CYP4Z1: variants seen among roughly 807,000 people sequenced by gnomAD.
CYP4Z1 encodes cytochrome P450 4Z1.
A neutral mutation model predicts 54.2 loss-of-function variants in CYP4Z1; 41 were observed. The observed-to-expected ratio is 0.76, with a 90% CI of 0.59 to 0.98. CYP4Z1 has a LOEUF of 0.98. Ranked by LOEUF, CYP4Z1 falls within the 50% of genes least tolerant of loss-of-function variation. The pLI, the probability that CYP4Z1 is intolerant of heterozygous loss-of-function variation, is 0.00. For missense variants in CYP4Z1, 513 were observed against 599.0 expected (o/e 0.86, Z 1.50); for synonymous variants, 163 against 206.2 (o/e 0.79, Z 1.79).
At chr1:47,092,107 G>A (rs1206672029) in intron 6 of CYP4Z1, among the ~76,000 whole-genome samples, 1 of 151,900 alleles carries the variant, frequency 6.6e-6, no homozygotes, top group Non-Finnish European at 1.5e-5. Context: ...TCCACCTCTG[G>A]GGGCACTTCC....
intron 8 of CYP4Z1, among the ~76,000 whole-genome samples, chr1:47,104,672 A>C (rs1480473878): frequency 6.6e-6 from 1 of 152,108 alleles, no homozygotes; most frequent in African/African-American, 2.4e-5. Flanking sequence ...CCCCAGGAGA[A>C]GTGCTCAGGT....
At chr1:47,072,857 C>T (rs1200341700) in intron 2 of CYP4Z1, among the ~76,000 whole-genome samples, 4 of 151,046 alleles carry the variant, frequency 2.6e-5, no homozygotes, top group Non-Finnish European at 4.4e-5. Flanking sequence ...CTACAAGATC[C>T]TGACCATATA....
At chr1:47,109,917 C>G (rs752403282) in intron 9 of CYP4Z1, among the ~76,000 whole-genome samples, 9 of 150,994 alleles carry the variant, frequency 6.0e-5, no homozygotes, top group Admixed American at 1.3e-4. Context: ...GTTATGAATT[C>G]TATTTCCTTT....
chr1:47,063,711 A>C (rs1230002285), upstream of CYP4Z1, among the ~76,000 whole-genome samples: 2 of 152,130 alleles, frequency 1.3e-5, no homozygotes, highest in Non-Finnish European at 2.9e-5. Flanking sequence ...TAATTTTTAA[A>C]AATAAACAAA....
At chr1:47,064,090 T>TC (rs1199176524), upstream of CYP4Z1, among the ~76,000 whole-genome samples, 7 of 149,908 alleles carry the variant, frequency 4.7e-5, no homozygotes, top group Non-Finnish European at 8.9e-5. Flanking sequence ...CTTTTTTTTT[T>TC]TTTTTTTTTT....
intron 6 of CYP4Z1, among the ~76,000 whole-genome samples, chr1:47,091,188 CTATTT>C (rs1009727153): frequency 7.1e-6 from 1 of 139,908 alleles, no homozygotes; most frequent in Admixed American, 7.0e-5. Flanking sequence ...GAGAAGTGGC[CTATTT>C]TATTTCTGCA....
intron 9 of CYP4Z1, among the ~76,000 whole-genome samples, chr1:47,108,210 C>T (rs1469748298): frequency 1.3e-5 from 2 of 152,120 alleles, no homozygotes; most frequent in Non-Finnish European, 2.9e-5. Context: ...GCTTTCCTTC[C>T]TGCCCCTCTC....
chr1:47,069,262 T>C (rs867554291), intron 2 of CYP4Z1, among the ~76,000 whole-genome samples: 2 of 152,278 alleles, frequency 1.3e-5, no homozygotes, highest in African/African-American at 4.8e-5. Flanking sequence ...TTCCGTGGAA[T>C]TGCAGAGCTG....
intron 7 of CYP4Z1, 117 bp from the exon 8 acceptor site, chr1:47,098,977 T>C: frequency 7.5e-6 from 9 of 1,199,966 alleles, no homozygotes; most frequent in Non-Finnish European, 9.5e-6. Flanking sequence ...TATGCCAAAT[T>C]AGTTGTATTA....
the CYP4Z1 span, among the ~76,000 whole-genome samples, chr1:47,057,321 T>A: frequency 1.2e-4 from 2 of 16,308 alleles, no homozygotes; most frequent in African/African-American, 4.0e-4. Flanking sequence ...CTTTGTTACT[T>A]CTTAAGAAAA....
At chr1:47,056,425 G>A in the CYP4Z1 span, among the ~76,000 whole-genome samples, 1 of 152,168 alleles carries the variant, frequency 6.6e-6, no homozygotes, top group African/African-American at 2.4e-5. Context: ...TTCTGTAGAT[G>A]TCTATTAGGT....
intron 7 of CYP4Z1, among the ~76,000 whole-genome samples, chr1:47,095,026 A>G (rs1351209980): frequency 6.6e-6 from 1 of 152,160 alleles, no homozygotes; most frequent in Non-Finnish European, 1.5e-5. Flanking sequence ...TACTTATATG[A>G]TAACTGATAC....
At chr1:47,103,816 A>C (rs1169695215) in intron 8 of CYP4Z1, among the ~76,000 whole-genome samples, 26 of 151,902 alleles carry the variant, frequency 1.7e-4, no homozygotes, top group Admixed American at 1.7e-3. Context: ...GGCTGGCCTC[A>C]AACTCTTGAC....
chr1:47,091,321 A>G (rs1402075173), intron 6 of CYP4Z1, among the ~76,000 whole-genome samples: 1 of 142,678 alleles, frequency 7.0e-6, no homozygotes, highest in Non-Finnish European at 1.5e-5. Context: ...CAGCTAACCT[A>G]TTTTCTTCGG....
chr1:47,082,470 A>G lies in CYP4Z1; in HGVS notation c.492+9A>G, dbSNP rs530391300. On this transcript the variant is annotated intron_variant, in intron 4 of 11. Transcript: ENST00000334194. Reference sequence around the variant, plus strand: ...GTGTTCGGATGATGCTGGTAAGAGGAGAAGAGAGCATTCGTACCTGGCCTC... The same window carrying G: ...GTGTTCGGATGATGCTGGTAAGAGGGGAAGAGAGCATTCGTACCTGGCCTC... 1 of 1,605,148 alleles carries G rather than the reference A, an allele frequency of 6.2e-7. No homozygotes were observed. The highest frequency in any genetic ancestry group is 1.7e-5 in the Admixed American group (1 of 58,740).
chr1:47,113,041 A>C (rs1187913363), intron 9 of CYP4Z1, among the ~76,000 whole-genome samples: 1 of 152,054 alleles, frequency 6.6e-6, no homozygotes, highest in Non-Finnish European at 1.5e-5. Flanking sequence ...CTCTGCTTAA[A>C]CTTCTCAGTG....
At chr1:47,062,528 C>A (rs1313257532), upstream of CYP4Z1, among the ~76,000 whole-genome samples, 1 of 152,162 alleles carries the variant, frequency 6.6e-6, no homozygotes, top group East Asian at 1.9e-4. Context: ...GCCTTTAGGT[C>A]TCCAGGCTGT....
intron 2 of CYP4Z1, among the ~76,000 whole-genome samples, chr1:47,076,980 T>C (rs1409065876): frequency 6.6e-6 from 1 of 151,936 alleles, no homozygotes; most frequent in African/African-American, 2.4e-5. Context: ...TTAAATTTAT[T>C]GAGACTTTTT....
intron 8 of CYP4Z1, among the ~76,000 whole-genome samples, chr1:47,105,190 C>A (rs1644748343): frequency 6.7e-6 from 1 of 148,524 alleles, no homozygotes; most frequent in African/African-American, 2.5e-5. Context: ...ACCTTGGCAC[C>A]AGCAGCAGCA....
Sources: gnomAD v4.1 joint callset for allele counts (sites outside exome capture counted in the v4.1 genomes callset) on GRCh38, gnomAD v4.1.1 for gene constraint, MANE v1.5 for transcripts, NCBI Gene and HGNC (gene_info 2026-07-23, HGNC 2026-07-21) for gene names.